Variants in STPG2 observed in about 807,000 individuals in gnomAD.
The protein encoded by STPG2 is sperm tail PG-rich repeat containing 2.
A neutral mutation model predicts 54.2 loss-of-function variants in STPG2; 56 were observed. The ratio of observed to expected loss-of-function variants is 1.03; its 90% CI spans 0.83 to 1.29. The LOEUF (loss-of-function observed/expected upper bound fraction) is 1.29, where lower values mean the gene tolerates loss of function less well. Among genes scored for constraint, STPG2 ranks in the 50% most tolerant of loss-of-function variants. The pLI is 0.00. For missense variants in STPG2, 596 were observed against 544.9 expected (o/e 1.09, Z -0.93); for synonymous variants, 200 against 181.8 (o/e 1.10, Z -0.81).
Position 98,052,897 on chromosome 4 carries a change from G to A in STPG2, c.612+53056C>T, listed in dbSNP as rs1329776756. On this transcript the variant is annotated intron_variant, in intron 5 of 10. Coordinates refer to ENST00000295268, the MANE Select transcript of STPG2 (RefSeq NM_174952.3). ...ATGCTAAATTTGACTGGCTTTCAAA[G>A]AGATAGTAAATTCGGTGACTGAATC... 2.0e-5 allele frequency among the ~76,000 whole-genome samples: 3 copies of A among 152,136 alleles called. No homozygotes were observed. The East Asian group carries it at 5.8e-4, about 29-fold the overall frequency.
chr4:97,690,874 C>G (rs1723341996), intron 10 of STPG2, among the ~76,000 whole-genome samples: 1 of 152,158 alleles, frequency 6.6e-6, no homozygotes, highest in African/African-American at 2.4e-5. Flanking sequence ...ACCCACTGTT[C>G]TTCAAGAGTA....
chr4:97,944,038 T>A, intron 7 of STPG2, 31 bp from the exon 8 acceptor site: 2 of 1,432,058 alleles, frequency 1.4e-6, no homozygotes, highest in Non-Finnish European at 2.0e-6. Flanking sequence ...AAAGAGTACA[T>A]CATTTATTTT....
At chr4:98,112,218 G>T (rs1739385425) in intron 3 of STPG2, among the ~76,000 whole-genome samples, 2 of 151,988 alleles carry the variant, frequency 1.3e-5, no homozygotes, top group African/African-American at 4.8e-5. Flanking sequence ...GAGCCCGTAA[G>T]ATTATAACAC....
chr4:97,887,003 A>C (rs1473547367), intron 8 of STPG2, among the ~76,000 whole-genome samples: 1 of 152,162 alleles, frequency 6.6e-6, no homozygotes, highest in Non-Finnish European at 1.5e-5. Flanking sequence ...CAGGATCGTA[A>C]GTTTCCTGAG....
chr4:97,823,387 G>A (rs1728146186), intron 9 of STPG2, among the ~76,000 whole-genome samples: 1 of 152,098 alleles, frequency 6.6e-6, no homozygotes. Context: ...TGCTTGTGCT[G>A]TAGATATAGA....
intron 8 of STPG2, among the ~76,000 whole-genome samples, chr4:97,930,718 G>A (rs947269244): frequency 2.6e-5 from 4 of 152,164 alleles, no homozygotes; most frequent in African/African-American, 7.2e-5. Flanking sequence ...AGTGAAGAAT[G>A]TCACTGGTAG....
At chr4:97,544,249 G>A (rs188227556) in intron 4 of STPG2, among the ~76,000 whole-genome samples, 4 of 152,196 alleles carry the variant, frequency 2.6e-5, no homozygotes, top group Admixed American at 6.5e-5. Flanking sequence ...GGAGATATCC[G>A]TAAAAGTATA....
chr4:97,478,912 T>C (rs1343943218), intron 4 of STPG2, among the ~76,000 whole-genome samples: 1 of 149,324 alleles, frequency 6.7e-6, no homozygotes, highest in Non-Finnish European at 1.5e-5. Flanking sequence ...TGTGTGTGTG[T>C]GTGTGTGTAC....
chr4:97,988,930 G>C (rs1734912708), intron 5 of STPG2, among the ~76,000 whole-genome samples: 1 of 152,094 alleles, frequency 6.6e-6, no homozygotes, highest in Non-Finnish European at 1.5e-5. Context: ...TTCTAATTAT[G>C]ATAAAATATG....
intron 5 of STPG2, among the ~76,000 whole-genome samples, chr4:98,028,559 T>G (rs1736499643): frequency 6.6e-6 from 1 of 152,332 alleles, no homozygotes; most frequent in East Asian, 1.9e-4. Context: ...TCCATATTTC[T>G]ACCAACAGTC....
intron 8 of STPG2, among the ~76,000 whole-genome samples, chr4:97,882,083 C>A (rs949276034): frequency 2.0e-5 from 3 of 152,024 alleles, no homozygotes; most frequent in African/African-American, 7.2e-5. Context: ...GAGTGCAGTA[C>A]AGGAGGATGA....
intron 10 of STPG2, among the ~76,000 whole-genome samples, chr4:97,607,305 TTCTC>T (rs1240572168): frequency 2.6e-5 from 4 of 151,888 alleles, no homozygotes; most frequent in Admixed American, 1.3e-4. Flanking sequence ...TTCTCTCAAT[TTCTC>T]TCTCTTTCAT....
intron 8 of STPG2, among the ~76,000 whole-genome samples, chr4:97,905,161 C>T (rs1424058497): frequency 2.0e-5 from 3 of 151,192 alleles, no homozygotes; most frequent in Non-Finnish European, 3.0e-5. Context: ...TTGTCAGATT[C>T]ACCAAAGTTG....
intron 4 of STPG2, among the ~76,000 whole-genome samples, chr4:97,499,683 A>G (rs1352884117): frequency 6.6e-6 from 1 of 151,986 alleles, no homozygotes; most frequent in Non-Finnish European, 1.5e-5. Context: ...AATTTTTAAT[A>G]GCATGGTCAG....
chr4:97,799,951 CCCTT>C (rs1727328678), intron 9 of STPG2, among the ~76,000 whole-genome samples: 2 of 152,150 alleles, frequency 1.3e-5, no homozygotes, highest in Admixed American at 1.3e-4. Context: ...ATCACTGATA[CCCTT>C]CCTTCCAATT....
intron 10 of STPG2, among the ~76,000 whole-genome samples, chr4:97,658,400 T>C (rs1222781922): frequency 2.0e-5 from 3 of 152,190 alleles, no homozygotes; most frequent in African/African-American, 4.8e-5. Flanking sequence ...CTTTTGACAA[T>C]ATGCAGAAAA....
intron 8 of STPG2, among the ~76,000 whole-genome samples, chr4:97,852,907 A>C (rs1384920325): frequency 6.6e-6 from 1 of 150,632 alleles, no homozygotes; most frequent in Non-Finnish European, 1.5e-5. Flanking sequence ...CAAATTGCAC[A>C]TTTGAATTGT....
At chr4:98,080,963 C>G (rs2110115996) in intron 5 of STPG2, among the ~76,000 whole-genome samples, 1 of 152,306 alleles carries the variant, frequency 6.6e-6, no homozygotes. Flanking sequence ...TACCTTTGAG[C>G]TTTCCCCTCC....
At chr4:97,533,737 A>G (rs1381695743) in intron 4 of STPG2, among the ~76,000 whole-genome samples, 1 of 151,986 alleles carries the variant, frequency 6.6e-6, no homozygotes, top group Non-Finnish European at 1.5e-5. Flanking sequence ...TTGCTGAGTA[A>G]CCCTCCATTG....
Sources: allele counts gnomAD v4.1 joint callset (sites outside exome capture counted in the v4.1 genomes callset), GRCh38; gene constraint gnomAD v4.1.1; transcripts MANE v1.5; gene names NCBI Gene and HGNC (gene_info 2026-07-23, HGNC 2026-07-21).